Variants in ARHGAP29 observed in about 807,000 individuals in gnomAD.
ARHGAP29 encodes the protein Rho GTPase activating protein 29.
A neutral mutation model predicts 122.6 loss-of-function variants in ARHGAP29; 43 were observed. The observed-to-expected ratio is 0.35, with a 90% CI of 0.27 to 0.45. The LOEUF is 0.45. ARHGAP29 is among the 20% of genes least tolerant of loss of function. The probability of loss-of-function intolerance (pLI) is 1.00; values close to 1 mark genes in which losing one functional copy is unlikely to be tolerated. For synonymous variants in ARHGAP29, 506 were observed against 497.1 expected (o/e 1.02, Z -0.24); for missense variants, 1,303 against 1,477.2 (o/e 0.88, Z 1.93).
the ARHGAP29 span, among the ~76,000 whole-genome samples, chr1:94,296,473 C>T: frequency 1.3e-5 from 2 of 152,128 alleles, no homozygotes; most frequent in African/African-American, 2.4e-5. Context: ...TAGGTAAGTA[C>T]GCACAGGAAA....
At chr1:94,304,132 C>T in the ARHGAP29 span, among the ~76,000 whole-genome samples, 1 of 152,144 alleles carries the variant, frequency 6.6e-6, no homozygotes, top group Non-Finnish European at 1.5e-5. Context: ...TGAAACTCTA[C>T]CCACCTTTTT....
At chr1:94,267,171 A>G (rs529673933) in intron 1 of ARHGAP29, among the ~76,000 whole-genome samples, 7 of 152,176 alleles carry the variant, frequency 4.6e-5, no homozygotes, top group Non-Finnish European at 8.8e-5. Context: ...AGGAGTCTCA[A>G]AGTACTATGG....
chr1:94,223,798 A>G (rs915973567), intron 2 of ARHGAP29, among the ~76,000 whole-genome samples: 3 of 151,942 alleles, frequency 2.0e-5, no homozygotes, highest in African/African-American at 7.2e-5. Flanking sequence ...AAAAAATTAT[A>G]AAACCTTCCC....
the ARHGAP29 span, among the ~76,000 whole-genome samples, chr1:94,295,060 C>T: frequency 5.3e-5 from 8 of 152,116 alleles, no homozygotes; most frequent in South Asian, 4.1e-4. Flanking sequence ...CCCCTCCTTT[C>T]GGTTCAAGAA....
At chr1:94,207,892 G>A (rs1651312945) in intron 5 of ARHGAP29, among the ~76,000 whole-genome samples, 1 of 151,858 alleles carries the variant, frequency 6.6e-6, no homozygotes, top group Admixed American at 6.6e-5. Flanking sequence ...ACTGGCTAGA[G>A]AGGAATGACA....
In ARHGAP29 at chr1:94,169,807, A is replaced by AG. The variant is rs1356178261; in HGVS notation, c.*4061dup. Among the ~76,000 whole-genome samples, 1 of 152,150 alleles carries AG rather than the reference A, an allele frequency of 6.6e-6. No individual in the cohort carries two copies. Among genetic ancestry groups the AG allele is most frequent in the Non-Finnish European group, 1.5e-5 (1 of 68,020 alleles). On this transcript the variant is annotated 3_prime_UTR_variant, in exon 23 of 23. Coordinates refer to ENST00000260526, the MANE Select transcript of ARHGAP29 (RefSeq NM_004815.4). The stretch of plus-strand genomic sequence containing the variant: ...AAGATGAGCTCGTAAAAAAAATAAG[A>AG]GGGGAAAAAGCAATGAGGCATCTCT...
chr1:94,186,683 G>A (rs935364236), intron 15 of ARHGAP29, 86 bp from the exon 16 acceptor site: 16 of 987,400 alleles, frequency 1.6e-5, no homozygotes, highest in Non-Finnish European at 2.2e-5. Context: ...GAAATAACAC[G>A]TCATACTATT....
the ARHGAP29 span, among the ~76,000 whole-genome samples, chr1:94,293,485 C>A: frequency 1.3e-5 from 2 of 152,118 alleles, no homozygotes; most frequent in South Asian, 4.1e-4. Flanking sequence ...CCATGGGCTG[C>A]ACCCACTGTC....
intron 1 of ARHGAP29, among the ~76,000 whole-genome samples, chr1:94,254,713 T>C (rs1654260771): frequency 6.6e-6 from 1 of 151,956 alleles, no homozygotes; most frequent in South Asian, 2.1e-4. Context: ...GACCTTGGAG[T>C]TGCTTTGTGA....
intron 20 of ARHGAP29, 48 bp downstream of exon 20, chr1:94,179,672 AAAAAC>A (rs1370797029): frequency 8.1e-7 from 1 of 1,234,190 alleles, no homozygotes; most frequent in Non-Finnish European, 1.1e-6. Context: ...ATTAAAAACA[AAAAAC>A]AAATCAATTG....
Position 94,205,624 on chromosome 1 carries a change from T to C in ARHGAP29, c.559+11A>G, listed in dbSNP as rs553678943. 4 of 1,610,774 alleles carry C rather than the reference T, an allele frequency of 2.5e-6. No individual in the cohort carries two copies. Among genetic ancestry groups the C allele is most frequent in the African/African-American group, 2.7e-5 (2 of 74,800 alleles). ...AAGTTTGTGAAAAGTTATAAACACC[T>C]TGAGCATTACCTTTTTCACTGGATG... On this transcript the variant is annotated intron_variant, in intron 6 of 22. Transcript: ENST00000260526.
At chr1:94,266,624 G>T (rs1395509999) in intron 1 of ARHGAP29, among the ~76,000 whole-genome samples, 3 of 152,040 alleles carry the variant, frequency 2.0e-5, no homozygotes, top group African/African-American at 7.3e-5. Context: ...ACAGAGAGAG[G>T]CTGGGAGAAC....
intron 1 of ARHGAP29, among the ~76,000 whole-genome samples, chr1:94,269,966 A>C (rs1654927992): frequency 6.6e-6 from 1 of 152,138 alleles, no homozygotes; most frequent in Non-Finnish European, 1.5e-5. Context: ...CATACATGAA[A>C]ATTGGAGAAA....
intron 19 of ARHGAP29, 68 bp from the exon 20 acceptor site, chr1:94,180,025 C>G (rs1374148451): frequency 3.8e-6 from 4 of 1,061,322 alleles, no homozygotes; most frequent in Non-Finnish European, 2.7e-6. Context: ...CTATTACTAA[C>G]AGTTACAGAG....
chr1:94,255,458 A>G (rs1276617446), intron 1 of ARHGAP29, among the ~76,000 whole-genome samples: 2 of 152,178 alleles, frequency 1.3e-5, no homozygotes, highest in East Asian at 3.8e-4. Context: ...CACTATTTAA[A>G]TGACAGGACT....
chr1:94,231,319 C>T (rs1210258994), intron 2 of ARHGAP29, 88 bp downstream of exon 2: 4 of 1,083,756 alleles, frequency 3.7e-6, no homozygotes, highest in East Asian at 2.4e-5. Context: ...TACCCTGTTC[C>T]TACCACTGTG....
At chr1:94,295,531 G>C in the ARHGAP29 span, among the ~76,000 whole-genome samples, 9 of 152,100 alleles carry the variant, frequency 5.9e-5, no homozygotes, top group African/African-American at 2.2e-4. Flanking sequence ...TTGATGACAA[G>C]ATCTAGGATG....
rs528189823 is a variant in ARHGAP29 at position 94,202,901 on chromosome 1, T to C, written c.954+17A>G. ...ATGTTCACAAATAGGTACATGAAAC[T>C]CCATTTTAATACTAACCATTTTATT... On this transcript the variant is annotated intron_variant, in intron 10 of 22. Transcript: ENST00000260526. The C allele has an allele frequency of 6.3e-7, 1 of 1,587,436 alleles. No individual in the cohort carries two copies. Among genetic ancestry groups the C allele is most frequent in the East Asian group, 2.2e-5 (1 of 44,754 alleles).
At chr1:94,278,571 C>T (rs557068123), upstream of ARHGAP29, among the ~76,000 whole-genome samples, 26 of 152,304 alleles carry the variant, frequency 1.7e-4, no homozygotes, top group East Asian at 5.0e-3. Context: ...CTAAAATCCA[C>T]ACCTGGTGCA....
Sources: allele counts gnomAD v4.1 joint callset (sites outside exome capture counted in the v4.1 genomes callset), GRCh38; gene constraint gnomAD v4.1.1; transcripts MANE v1.5; gene names NCBI Gene and HGNC (gene_info 2026-07-23, HGNC 2026-07-21).